PLEKHA5: variants seen among roughly 807,000 people sequenced by gnomAD.
PLEKHA5 encodes the protein pleckstrin homology domain containing A5, also known as pleckstrin homology domain-containing family A member 5.
A neutral mutation model predicts 181.9 loss-of-function variants in PLEKHA5; 55 were observed. The observed-to-expected ratio is 0.30, with a 90% confidence interval of 0.24 to 0.38. The LOEUF (loss-of-function observed/expected upper bound fraction) is 0.38. Ranked by LOEUF, PLEKHA5 falls within the 10% of genes least tolerant of loss-of-function variation. The probability of loss-of-function intolerance (pLI) is 1.00; values close to 1 mark genes in which losing one functional copy is unlikely to be tolerated. For missense variants in PLEKHA5, 1,432 were observed against 1,549.5 expected (o/e 0.92, Z 1.27); for synonymous variants, 535 against 529.4 (o/e 1.01, Z -0.15).
intron 3 of PLEKHA5, among the ~76,000 whole-genome samples, chr12:19,218,993 G>A (rs1030735160): frequency 3.4e-5 from 5 of 144,952 alleles, no homozygotes; most frequent in African/African-American, 5.2e-5. Context: ...TGCACATTGT[G>A]CAGGTTACAA....
chr12:19,163,507 C>T (rs758835966), intron 3 of PLEKHA5, among the ~76,000 whole-genome samples: 9 of 152,188 alleles, frequency 5.9e-5, no homozygotes, highest in African/African-American at 1.2e-4. Context: ...TGCTCTTTTC[C>T]GCCATACTGT....
chr12:19,326,451 G>A (rs982437569), intron 20 of PLEKHA5, among the ~76,000 whole-genome samples: 2 of 152,176 alleles, frequency 1.3e-5, no homozygotes, highest in Admixed American at 6.5e-5. Flanking sequence ...TATAACATTA[G>A]CACCTCTGTA....
chr12:19,187,614 G>A (rs1474411749), intron 3 of PLEKHA5, among the ~76,000 whole-genome samples: 1 of 152,138 alleles, frequency 6.6e-6, no homozygotes, highest in East Asian at 1.9e-4. Context: ...GTCAAGTTTT[G>A]CCATTTCTGC....
Position 19,274,762 on chromosome 12 carries a change from A to G in PLEKHA5, c.1092A>G (p.Ala364=). The change falls in exon 11 of 32, where the codon GCA becomes GCG. Residue 364 remains alanine, a synonymous_variant. Coordinates refer to ENST00000429027, the MANE Select transcript of PLEKHA5 (RefSeq NM_001256470.2). Reference sequence around the variant, plus strand: ...CATCTGAATATGAGAGTGGGTCAGCATGCCCTGCTCAGACTGTGCACTACA... The same window carrying G: ...CATCTGAATATGAGAGTGGGTCAGCGTGCCCTGCTCAGACTGTGCACTACA... ...SLPSEYESGS[A]CPAQTVHYRP... 1 of 1,614,220 alleles carries G rather than the reference A, an allele frequency of 6.2e-7. No homozygotes were observed. The highest frequency in any genetic ancestry group is 1.1e-5 in the South Asian group (1 of 91,082).
chr12:19,292,283 G>A (rs976150866), intron 15 of PLEKHA5, among the ~76,000 whole-genome samples: 2 of 152,230 alleles, frequency 1.3e-5, no homozygotes, highest in African/African-American at 2.4e-5. Context: ...GTGAACGTCT[G>A]TAATCCCAGC....
chr12:19,187,616 C>T (rs1195561814), intron 3 of PLEKHA5, among the ~76,000 whole-genome samples: 6 of 152,126 alleles, frequency 3.9e-5, no homozygotes. Flanking sequence ...CAAGTTTTGC[C>T]ATTTCTGCAA....
At chr12:19,361,206 C>T (rs999576993) in intron 28 of PLEKHA5, among the ~76,000 whole-genome samples, 6 of 152,184 alleles carry the variant, frequency 3.9e-5, no homozygotes, top group East Asian at 1.9e-4. Context: ...TGTTTTGAGA[C>T]GGAGTCTCGC....
At chr12:19,331,359 G>C (rs796526662) in intron 20 of PLEKHA5, among the ~76,000 whole-genome samples, 15 of 152,084 alleles carry the variant, frequency 9.9e-5, no homozygotes, top group African/African-American at 3.6e-4. Context: ...CATTGGTTTT[G>C]ATTTTTTTTT....
chr12:19,163,818 C>G (rs1284216415), intron 3 of PLEKHA5, among the ~76,000 whole-genome samples: 4 of 152,182 alleles, frequency 2.6e-5, no homozygotes, highest in African/African-American at 9.7e-5. Context: ...CCCTAACCTC[C>G]TAACCACCTC....
chr12:19,179,828 C>T (rs1359300343), intron 3 of PLEKHA5, among the ~76,000 whole-genome samples: 1 of 151,942 alleles, frequency 6.6e-6, no homozygotes, highest in African/African-American at 2.4e-5. Context: ...CAATAATAAC[C>T]TTTTTTAGCT....
chr12:19,357,921 T>G lies in PLEKHA5; in HGVS notation c.3139-307T>G, dbSNP rs529652184. On this transcript the variant is annotated intron_variant, in intron 26 of 31. Coordinates refer to ENST00000429027, the MANE Select transcript of PLEKHA5 (RefSeq NM_001256470.2). ...TCCCAAAGTGCTGGGATTATAGGTG[T>G]GAGCCACCACTCCTGGTCCATATTT... Among the ~76,000 whole-genome samples, 362 of 152,142 alleles carry G rather than the reference T, an allele frequency of 2.4e-3. 2 individuals carry two copies. The highest frequency in any genetic ancestry group is 3.5e-3 in the Non-Finnish European group (237 of 68,002).
At chr12:19,211,399 G>A (rs2056867594) in intron 3 of PLEKHA5, among the ~76,000 whole-genome samples, 1 of 152,088 alleles carries the variant, frequency 6.6e-6, no homozygotes, top group Admixed American at 6.6e-5. Context: ...TCCTTAGAAG[G>A]GGAGGTGGGC....
At position 19,343,445 on chromosome 12, in the gene PLEKHA5, T is replaced by C; in HGVS notation, c.2662+11T>C. On this transcript the variant is annotated intron_variant, in intron 22 of 31. Coordinates refer to ENST00000429027, the MANE Select transcript of PLEKHA5 (RefSeq NM_001256470.2). ...GTACTACAGAAATAGGTAAATTAGC[T>C]TTGCATTTTATTTTGTGACTGACCA... 6.8e-7 allele frequency: 1 copy of C among 1,473,446 alleles called. No homozygotes were observed. Among genetic ancestry groups the C allele is most frequent in the Non-Finnish European group, 9.5e-7 (1 of 1,052,620 alleles). The allele number at this position is 1,473,446 out of a possible 1,614,324, so 91.3% of individuals were successfully genotyped here. A position where few individuals can be genotyped will look rare whatever the true frequency, so the allele number is the denominator to read the frequency against.
At chr12:19,369,317 G>A (rs2095517052) in intron 30 of PLEKHA5, among the ~76,000 whole-genome samples, 1 of 141,354 alleles carries the variant, frequency 7.1e-6, no homozygotes, top group Admixed American at 7.7e-5. Context: ...TTACAGACAT[G>A]AGCCACCACG....
rs147447211 is a variant in PLEKHA5, at chr12:19,244,206, A to G, written c.228-9734A>G. Among the ~76,000 whole-genome samples the G allele has an allele frequency of 2.2e-3, 335 of 152,312 alleles. 1 individual carries two copies. The highest frequency in any genetic ancestry group is 7.9e-3 in the African/African-American group (327 of 41,578). On this transcript the variant is annotated intron_variant, in intron 3 of 31. Transcript: ENST00000429027. ...AATTACAAGACACTGTGTGATTTCT[A>G]TTGATGAAATCTCTTCAATTTTAAG...
chr12:19,337,336 TGAGGTCA>T (rs2093513804), intron 21 of PLEKHA5, among the ~76,000 whole-genome samples: 1 of 152,102 alleles, frequency 6.6e-6, no homozygotes, highest in African/African-American at 2.4e-5. Flanking sequence ...GTAGATCACC[TGAGGTCA>T]GGAGTTTGAG....
Position 19,253,921 on chromosome 12 carries a change from TCTTTTTTC to T in PLEKHA5, c.228-10_228-3del. The stretch of plus-strand genomic sequence containing the variant: ...TTTAAATACCTGCATGTTCTGTTTT[TCTTTTTTC>T]CTTTTTTCAGCCATAATGAAAGGAA... On this transcript the variant is annotated splice_polypyrimidine_tract_variant and intron_variant, in intron 3 of 31. Transcript: ENST00000429027. 5 of 1,434,422 alleles carry T rather than the reference TCTTTTTTC, an allele frequency of 3.5e-6. No homozygotes were observed. The highest frequency in any genetic ancestry group is 1.8e-5 in the Admixed American group (1 of 55,184). The allele number at this position is 1,434,422 out of a possible 1,614,324, so 88.9% of individuals were successfully genotyped here. A position where few individuals can be genotyped will look rare whatever the true frequency, so the allele number is the denominator to read the frequency against.
At chr12:19,132,773 C>G (rs1273943166) in intron 3 of PLEKHA5, among the ~76,000 whole-genome samples, 2 of 112,124 alleles carry the variant, frequency 1.8e-5, no homozygotes, top group Non-Finnish European at 3.4e-5. Flanking sequence ...CCACAATTAC[C>G]TTTTTTTTTT....
intron 26 of PLEKHA5, among the ~76,000 whole-genome samples, chr12:19,356,667 T>C (rs894197648): frequency 7.2e-6 from 1 of 139,156 alleles, no homozygotes; most frequent in Admixed American, 7.2e-5. Context: ...TTTTTCTTTT[T>C]TTTTTTTTTT....
Sources: allele counts gnomAD v4.1 joint callset (sites outside exome capture counted in the v4.1 genomes callset), GRCh38; gene constraint gnomAD v4.1.1; transcripts MANE v1.5; gene names NCBI Gene and HGNC (gene_info 2026-07-23, HGNC 2026-07-21).